The following SVIL variants were observed in gnomAD, a reference collection of about 807,000 sequenced individuals.
The protein encoded by SVIL is archvillin.
In SVIL, 101 loss-of-function variants were observed where a neutral mutation model predicts 240.4. That is an observed-to-expected ratio of 0.42 (90% confidence interval 0.36 to 0.50). SVIL has a LOEUF of 0.50. SVIL is among the 20% of genes least tolerant of loss of function. The pLI, the probability that SVIL is intolerant of heterozygous loss-of-function variation, is 0.01. For synonymous variants in SVIL, 999 were observed against 1,100.0 expected (o/e 0.91, Z 1.82); for missense variants, 2,512 against 2,818.7 (o/e 0.89, Z 2.46).
At chr10:29,554,994 G>A in intron 4 of SVIL, 57 bp downstream of exon 4, 3 of 1,611,068 alleles carry the variant, frequency 1.9e-6, no homozygotes, top group Non-Finnish European at 2.5e-6. Context: ...AAGGAAAATG[G>A]AATACTGCTT....
At chr10:29,589,076 G>A (rs1956284538) in intron 1 of SVIL, among the ~76,000 whole-genome samples, 2 of 152,154 alleles carry the variant, frequency 1.3e-5, no homozygotes, top group African/African-American at 2.4e-5. Flanking sequence ...GAGATGCCTC[G>A]GTGACTTTTC....
chr10:29,515,000 C>T (rs958804900), intron 16 of SVIL, among the ~76,000 whole-genome samples: 4 of 152,172 alleles, frequency 2.6e-5, no homozygotes, highest in Non-Finnish European at 5.9e-5. Flanking sequence ...GGGAAGTAAG[C>T]CGTGAAGAAA....
chr10:29,715,455 G>A (rs1001869250), intron 1 of SVIL, among the ~76,000 whole-genome samples: 1 of 152,146 alleles, frequency 6.6e-6, no homozygotes, highest in Non-Finnish European at 1.5e-5. Context: ...TACCTCTGCC[G>A]ACAACATTCC....
intron 29 of SVIL, among the ~76,000 whole-genome samples, chr10:29,478,209 T>C (rs1227254878): frequency 6.6e-6 from 1 of 152,228 alleles, no homozygotes; most frequent in Non-Finnish European, 1.5e-5. Flanking sequence ...AGATTAACAC[T>C]GTACATGCCA....
chr10:29,690,428 G>A (rs1480243209), intron 1 of SVIL, among the ~76,000 whole-genome samples: 2 of 151,852 alleles, frequency 1.3e-5, no homozygotes, highest in African/African-American at 4.8e-5. Flanking sequence ...TGGATAACAA[G>A]GATCTGCTGT....
chr10:29,583,184 GA>G (rs1956024489), intron 1 of SVIL, among the ~76,000 whole-genome samples: 1 of 152,328 alleles, frequency 6.6e-6, no homozygotes, highest in South Asian at 2.1e-4. Flanking sequence ...CTTGTTCTCA[GA>G]AGGGCATCTT....
intron 2 of SVIL, among the ~76,000 whole-genome samples, chr10:29,567,751 T>A (rs1955087114): frequency 6.6e-6 from 1 of 152,164 alleles, no homozygotes; most frequent in South Asian, 2.1e-4. Flanking sequence ...GCGCAGTGAC[T>A]CACGCCTGTA....
chr10:29,608,381 G>A (rs1298781019), intron 1 of SVIL, among the ~76,000 whole-genome samples: 1 of 152,250 alleles, frequency 6.6e-6, no homozygotes, highest in Non-Finnish European at 1.5e-5. Flanking sequence ...AGCCATGGCT[G>A]GGATTGTGCA....
At chr10:29,612,535 C>T (rs1957284189) in intron 1 of SVIL, among the ~76,000 whole-genome samples, 1 of 152,034 alleles carries the variant, frequency 6.6e-6, no homozygotes, top group South Asian at 2.1e-4. Flanking sequence ...GTGCTGTCCT[C>T]CCAGGGTGCT....
At chr10:29,603,034 G>A (rs946826058) in intron 1 of SVIL, among the ~76,000 whole-genome samples, 3 of 152,068 alleles carry the variant, frequency 2.0e-5, no homozygotes, top group Non-Finnish European at 2.9e-5. Context: ...ATCGTTTCAT[G>A]CCCAGGAAGA....
chr10:29,480,406 G>A, intron 29 of SVIL, 131 bp downstream of exon 29: 1 of 1,163,774 alleles, frequency 8.6e-7, no homozygotes, highest in South Asian at 1.5e-5. Flanking sequence ...GGCTCTCAAA[G>A]GCGCATGACT....
chr10:29,580,124 T>A (rs1338094951), intron 1 of SVIL, among the ~76,000 whole-genome samples: 1 of 150,828 alleles, frequency 6.6e-6, no homozygotes, highest in African/African-American at 2.4e-5. Context: ...AAGCCAGGAG[T>A]TCGAGAGCAG....
At chr10:29,720,778 T>C (rs769833398) in intron 1 of SVIL, among the ~76,000 whole-genome samples, 2 of 152,238 alleles carry the variant, frequency 1.3e-5, no homozygotes, top group Non-Finnish European at 2.9e-5. Context: ...TGTTCTTATA[T>C]GATATGTGAA....
rs1225432754 is a variant in SVIL, at chr10:29,533,173, G to A, written c.1194C>T (p.Thr398=). Reference sequence around the variant, plus strand: ...AGCTGGGAGGTTTGGGGACATTCTGGGTGGCTGATGCTACCCAGCTACACT... The same window carrying A: ...AGCTGGGAGGTTTGGGGACATTCTGAGTGGCTGATGCTACCCAGCTACACT... ...ASECSWVASA[T]QNVPKPPSLT... is the part of the protein sequence containing the mutation. The change falls in exon 8 of 38, where the codon ACC becomes ACT. Residue 398 remains threonine, a synonymous_variant. Transcript: ENST00000355867. 4 of 1,614,024 alleles carry A rather than the reference G, an allele frequency of 2.5e-6. No individual in the cohort carries two copies. Among genetic ancestry groups the A allele is most frequent in the Non-Finnish European group, 3.4e-6 (4 of 1,180,014 alleles).
At chr10:29,612,476 C>T (rs149921815) in intron 1 of SVIL, among the ~76,000 whole-genome samples, 33 of 152,198 alleles carry the variant, frequency 2.2e-4, no homozygotes, top group African/African-American at 7.7e-4. Flanking sequence ...GAATCACTTG[C>T]ACGCTGATAA....
intron 1 of SVIL, among the ~76,000 whole-genome samples, chr10:29,717,232 CAAAAAAAAAAAAAAAAA>C (rs71023503): frequency 1.0e-4 from 4 of 38,298 alleles, no homozygotes; most frequent in Non-Finnish European, 1.4e-4. Context: ...GACTCTCTCT[CAAAAAAAAAAAAAAAAA>C]AAAAAAAAAA....
chr10:29,612,903 C>T (rs571108647), intron 1 of SVIL, among the ~76,000 whole-genome samples: 22 of 152,120 alleles, frequency 1.4e-4, no homozygotes, highest in Admixed American at 7.9e-4. Context: ...TGAGGCTGGG[C>T]GTGGTGGTTC....
In SVIL at chr10:29,471,164, C is replaced by T. The variant is rs762138005; in HGVS notation, c.5609G>A (p.Arg1870Gln). 14 of 1,613,690 alleles carry T rather than the reference C, an allele frequency of 8.7e-6. No homozygotes were observed. The highest frequency in any genetic ancestry group is 2.2e-5 in the East Asian group (1 of 44,878). ...QGGMVVHSGR[R>Q]EEEEENVQSE... The stretch of plus-strand genomic sequence containing the variant: ...TTGCACATTTTCTTCTTCCTCTTCC[C>T]GCCTCCCCGAGTGCACCACCATCCC... The change falls in exon 31 of 38, where the codon CGG becomes CAG. Residue 1870 changes from arginine to glutamine, a missense_variant. This residue lies in a region of SVIL where 797 missense variants were observed against 925.3 expected (regional missense o/e 0.86). Coordinates refer to ENST00000355867, the MANE Select transcript of SVIL (RefSeq NM_021738.3).
In SVIL at chr10:29,522,517, C is replaced by T. The variant is rs777141360; in HGVS notation, c.3282G>A (p.Glu1094=). The change falls in exon 16 of 38, where the codon GAG becomes GAA. Residue 1094 remains glutamate, a synonymous_variant. Transcript: ENST00000355867. ...KPQDSSEQPQ[E]KLCKNPCAMF... is the part of the protein sequence containing the mutation. ...TCGCACATGGATTCTTGCAGAGCTT[C>T]TCCTGTGGCTGTTCCGAAGAATCCT... 12 of 1,614,110 alleles carry T rather than the reference C, an allele frequency of 7.4e-6. No individual in the cohort carries two copies. Among genetic ancestry groups the T allele is most frequent in the Non-Finnish European group, 9.3e-6 (11 of 1,180,052 alleles).
Sources: gnomAD v4.1 joint callset for allele counts (sites outside exome capture counted in the v4.1 genomes callset) on GRCh38, gnomAD v4.1.1 for gene constraint, gnomAD v4.1.1 regional missense constraint, MANE v1.5 for transcripts, NCBI Gene and HGNC (gene_info 2026-07-23, HGNC 2026-07-21) for gene names.